Variants in TRPC4 observed in about 807,000 individuals in gnomAD.
The protein encoded by TRPC4 is transient receptor potential cation channel subfamily C member 4.
TRPC4 carries 49 observed loss-of-function variants against 99.4 expected under a neutral mutation model. That is an observed-to-expected ratio of 0.49 (90% CI 0.39 to 0.63). The LOEUF (loss-of-function observed/expected upper bound fraction) is 0.63. TRPC4 is among the 20% of genes least tolerant of loss of function. TRPC4 has a pLI of 0.00. For synonymous variants in TRPC4, 454 were observed against 425.9 expected (o/e 1.07, Z -0.81); for missense variants, 898 against 1,152.9 (o/e 0.78, Z 3.20).
intron 1 of TRPC4, among the ~76,000 whole-genome samples, chr13:37,837,859 A>G (rs1308592239): frequency 6.6e-6 from 1 of 152,162 alleles, no homozygotes; most frequent in Non-Finnish European, 1.5e-5. Context: ...CTCATCTTGA[A>G]TTCCCACATG....
At chr13:37,774,361 C>T (rs1402512949) in intron 2 of TRPC4, among the ~76,000 whole-genome samples, 1 of 151,606 alleles carries the variant, frequency 6.6e-6, no homozygotes, top group African/African-American at 2.4e-5. Context: ...ATAAATGACT[C>T]AAACAATAGA....
At chr13:37,823,439 G>C (rs1054124412) in intron 1 of TRPC4, among the ~76,000 whole-genome samples, 30 of 139,718 alleles carry the variant, frequency 2.1e-4, no homozygotes, top group African/African-American at 5.5e-4. Context: ...ATCTTGAATT[G>C]ATTTTTGTAT....
intron 2 of TRPC4, among the ~76,000 whole-genome samples, chr13:37,746,706 G>A (rs1193291410): frequency 6.6e-6 from 1 of 151,668 alleles, no homozygotes; most frequent in Non-Finnish European, 1.5e-5. Context: ...CTTAAAATAG[G>A]TGGTTATGGA....
intron 3 of TRPC4, among the ~76,000 whole-genome samples, chr13:37,699,381 A>G (rs965887280): frequency 6.6e-6 from 1 of 152,152 alleles, no homozygotes; most frequent in Admixed American, 6.5e-5. Flanking sequence ...GTTCACTTTC[A>G]GCATAATAAT....
chr13:37,806,189 G>T (rs924608086), intron 1 of TRPC4, among the ~76,000 whole-genome samples: 5 of 151,990 alleles, frequency 3.3e-5, no homozygotes, highest in African/African-American at 1.2e-4. Context: ...GAAAGTACCA[G>T]AGGTGTCAGT....
At chr13:37,814,419 T>C (rs896119856) in intron 1 of TRPC4, among the ~76,000 whole-genome samples, 16 of 151,824 alleles carry the variant, frequency 1.1e-4, no homozygotes, top group Admixed American at 6.6e-5. Context: ...CAAAAATAAG[T>C]AATCCATAAA....
At chr13:37,770,612 G>A (rs1956524396) in intron 2 of TRPC4, among the ~76,000 whole-genome samples, 2 of 151,528 alleles carry the variant, frequency 1.3e-5, no homozygotes, top group African/African-American at 4.8e-5. Flanking sequence ...TTAAGTTGAG[G>A]TCAGGGGAAT....
chr13:37,682,220 C>T (rs966194534), intron 4 of TRPC4, among the ~76,000 whole-genome samples: 2 of 152,132 alleles, frequency 1.3e-5, no homozygotes, highest in Non-Finnish European at 2.9e-5. Context: ...TTATTTAAGC[C>T]GCAAAGCTGT....
At chr13:37,800,282 C>T (rs1957367943) in intron 1 of TRPC4, among the ~76,000 whole-genome samples, 1 of 152,162 alleles carries the variant, frequency 6.6e-6, no homozygotes, top group South Asian at 2.1e-4. Flanking sequence ...TGGTCCTCCA[C>T]AGTCTTGAAC....
chr13:37,797,358 C>T (rs547066157), intron 1 of TRPC4, among the ~76,000 whole-genome samples: 4 of 151,878 alleles, frequency 2.6e-5, no homozygotes, highest in Non-Finnish European at 5.9e-5. Context: ...TATGACATGT[C>T]GCAATGATAA....
intron 2 of TRPC4, among the ~76,000 whole-genome samples, chr13:37,770,128 A>G (rs1956507303): frequency 6.6e-6 from 1 of 151,542 alleles, no homozygotes; most frequent in East Asian, 1.9e-4. Flanking sequence ...CCTGTTTCAT[A>G]AAGTCTTTAT....
intron 1 of TRPC4, among the ~76,000 whole-genome samples, chr13:37,804,301 G>A (rs1049555879): frequency 6.6e-6 from 1 of 152,138 alleles, no homozygotes; most frequent in Admixed American, 6.6e-5. Flanking sequence ...GTACTTTATA[G>A]ATGAGGAAAC....
At chr13:37,797,144 C>A (rs1054142072) in intron 1 of TRPC4, among the ~76,000 whole-genome samples, 3 of 151,462 alleles carry the variant, frequency 2.0e-5, no homozygotes, top group African/African-American at 7.3e-5. Context: ...CGTACCACTG[C>A]ACTCCAGCCT....
chr13:37,639,363 T>C lies in TRPC4; in HGVS notation c.2080-64A>G. The C allele has an allele frequency of 2.0e-6, 3 of 1,484,848 alleles. No individual in the cohort carries two copies. The Admixed American group carries it at 6.2e-5, about 31-fold the overall frequency. The allele number at this position is 1,484,848 out of a possible 1,614,324, so 92.0% of individuals were successfully genotyped here. ...TATATTACTATTCTAAAAAATAATTTATTTTTTTAATCGATAATGTTTTTA... is the reference window on the plus strand; with the variant it reads ...TATATTACTATTCTAAAAAATAATTCATTTTTTTAATCGATAATGTTTTTA... On this transcript the variant is annotated intron_variant, in intron 8 of 10. Coordinates refer to ENST00000379705, the MANE Select transcript of TRPC4 (RefSeq NM_016179.4).
intron 1 of TRPC4, among the ~76,000 whole-genome samples, chr13:37,858,108 T>G (rs1959189184): frequency 6.6e-6 from 1 of 151,502 alleles, no homozygotes; most frequent in Non-Finnish European, 1.5e-5. Context: ...GGCAAAAGAT[T>G]TGAATAGATA....
At chr13:37,718,140 G>A (rs1389017212) in intron 3 of TRPC4, among the ~76,000 whole-genome samples, 1 of 151,814 alleles carries the variant, frequency 6.6e-6, no homozygotes, top group Non-Finnish European at 1.5e-5. Context: ...ATAAAAGAGG[G>A]AGTCAGAAAA....
intron 2 of TRPC4, among the ~76,000 whole-genome samples, chr13:37,781,581 G>A (rs2139341444): frequency 6.6e-6 from 1 of 152,102 alleles, no homozygotes; most frequent in East Asian, 1.9e-4. Context: ...CCCCAATCAA[G>A]GCTTGTTCAC....
At chr13:37,750,579 G>A (rs1169118256) in intron 2 of TRPC4, among the ~76,000 whole-genome samples, 4 of 152,028 alleles carry the variant, frequency 2.6e-5, no homozygotes, top group South Asian at 4.1e-4. Flanking sequence ...TCGGAATATT[G>A]AAACATTCTG....
In TRPC4 at chr13:37,648,134, G is replaced by T. The variant is rs536677827; in HGVS notation, c.2079+3131C>A. On this transcript the variant is annotated intron_variant, in intron 8 of 10. Transcript: ENST00000379705. The stretch of plus-strand genomic sequence containing the variant: ...ATTTTTGTATTTTTGGTAGAGACAG[G>T]GTTTCACCGTGTTGGCCAGGATGGT... Among the ~76,000 whole-genome samples the T allele has an allele frequency of 9.2e-5, 14 of 152,142 alleles. No homozygotes were observed. In the East Asian group the frequency reaches 9.7e-4, roughly 11 times the overall value.
Sources: allele counts gnomAD v4.1 joint callset (sites outside exome capture counted in the v4.1 genomes callset), GRCh38; gene constraint gnomAD v4.1.1; transcripts MANE v1.5; gene names NCBI Gene and HGNC (gene_info 2026-07-23, HGNC 2026-07-21).